F13A1: variants seen among roughly 807,000 people sequenced by gnomAD.
F13A1 encodes coagulation factor XIII A chain, also known as FSF, A subunit.
Under a neutral mutation model 80.1 loss-of-function variants are expected in F13A1, and 47 were observed. That is an observed-to-expected ratio of 0.59 (90% CI 0.46 to 0.75). F13A1 has a LOEUF of 0.75. F13A1 is among the 30% of genes least tolerant of loss of function. The pLI, the probability that F13A1 is intolerant of heterozygous loss-of-function variation, is 0.00. For missense variants in F13A1, 817 were observed against 930.4 expected, an observed-to-expected ratio of 0.88 and a Z score of 1.59; for synonymous variants, 349 against 344.9, an observed-to-expected ratio of 1.01 and a Z score of -0.13.
At chr6:6,212,367 G>A (rs1275930456) in intron 8 of F13A1, among the ~76,000 whole-genome samples, 4 of 152,118 alleles carry the variant, frequency 2.6e-5, no homozygotes, top group Non-Finnish European at 5.9e-5. Context: ...GTGGGTCCCT[G>A]ACCCCTGACC....
chr6:6,201,341 T>G (rs1761390886), intron 8 of F13A1, among the ~76,000 whole-genome samples: 1 of 152,176 alleles, frequency 6.6e-6, no homozygotes, highest in Non-Finnish European at 1.5e-5. Context: ...ACGTTATCTG[T>G]GTATTTAGGG....
chr6:6,314,766 G>A (rs954445484), intron 2 of F13A1, among the ~76,000 whole-genome samples: 2 of 152,226 alleles, frequency 1.3e-5, no homozygotes, highest in African/African-American at 4.8e-5. Flanking sequence ...ACAGCCTGGA[G>A]CAGCTCCTGA....
At chr6:6,164,185 G>GA (rs887807065) in intron 13 of F13A1, among the ~76,000 whole-genome samples, 28 of 150,656 alleles carry the variant, frequency 1.9e-4, no homozygotes, top group African/African-American at 4.1e-4. Flanking sequence ...ACAAGCATAT[G>GA]AAAAAAAAAG....
chr6:6,305,703 C>T (rs905460558), intron 2 of F13A1, 164 bp from the exon 3 acceptor site: 2 of 663,006 alleles, frequency 3.0e-6, no homozygotes, highest in Admixed American at 5.0e-5. Flanking sequence ...CGAGAGTCAG[C>T]CTCTTGTGAC....
chr6:6,147,809 T>G (rs1050833660), intron 14 of F13A1, among the ~76,000 whole-genome samples: 1 of 152,252 alleles, frequency 6.6e-6, no homozygotes, highest in Non-Finnish European at 1.5e-5. Context: ...TACGTATGCA[T>G]GCTATTTTAC....
At chr6:6,306,458 G>A (rs1391784762) in intron 2 of F13A1, among the ~76,000 whole-genome samples, 3 of 152,248 alleles carry the variant, frequency 2.0e-5, no homozygotes, top group Non-Finnish European at 2.9e-5. Flanking sequence ...GACGGCATGA[G>A]ATGACACGTA....
At chr6:6,253,161 AAAGAGAG>A (rs1344701748) in intron 4 of F13A1, among the ~76,000 whole-genome samples, 11 of 106,830 alleles carry the variant, frequency 1.0e-4, no homozygotes, top group Non-Finnish European at 1.8e-4. Context: ...AAAAAAAAAA[AAAGAGAG>A]AGAGAGAGAG....
intron 10 of F13A1, among the ~76,000 whole-genome samples, chr6:6,190,141 G>T (rs1761159515): frequency 6.6e-6 from 1 of 151,666 alleles, no homozygotes; most frequent in Admixed American, 6.6e-5. Flanking sequence ...TTTTTTCAAA[G>T]TTTTCAACTT....
chr6:6,275,364 TTTTTG>T (rs1757974206), intron 3 of F13A1, among the ~76,000 whole-genome samples: 1 of 152,054 alleles, frequency 6.6e-6, no homozygotes, highest in Non-Finnish European at 1.5e-5. Context: ...TTTTTTATTT[TTTTTG>T]TTTGTTTTGT....
chr6:6,310,291 A>G (rs1248331810), intron 2 of F13A1, among the ~76,000 whole-genome samples: 4 of 152,222 alleles, frequency 2.6e-5, no homozygotes, highest in African/African-American at 4.8e-5. Flanking sequence ...CAGAGGGGCA[A>G]TGGTTTCCAA....
chr6:6,192,820 G>A (rs1334823375), intron 10 of F13A1, among the ~76,000 whole-genome samples: 2 of 152,164 alleles, frequency 1.3e-5, no homozygotes, highest in Admixed American at 6.5e-5. Flanking sequence ...ATGTGTGTGT[G>A]TATGTGAGTG....
chr6:6,197,180 A>ATCAGCAAT lies in F13A1; in HGVS notation c.1216+35_1216+42dup, dbSNP rs758324688. 71 of 1,580,500 alleles carry ATCAGCAAT rather than the reference A, an allele frequency of 4.5e-5. No homozygotes were observed. In the South Asian group the frequency reaches 7.8e-4, roughly 17 times the overall value. ...ATGCAAGCATAAAAGCAAAACAAAG[A>ATCAGCAAT]TCAGCAATGAAGCAAGTTCCCAGAG... On this transcript the variant is annotated intron_variant, in intron 9 of 14. Transcript: ENST00000264870.
chr6:6,181,555 T>C (rs1225119981), intron 11 of F13A1, among the ~76,000 whole-genome samples: 1 of 152,232 alleles, frequency 6.6e-6, no homozygotes, highest in African/African-American at 2.4e-5. Context: ...TAGTCTTCCA[T>C]GATAATGTAA....
chr6:6,147,709 C>G (rs572257721), intron 14 of F13A1, among the ~76,000 whole-genome samples: 2 of 152,318 alleles, frequency 1.3e-5, no homozygotes, highest in East Asian at 3.9e-4. Context: ...TTAGCCCCCT[C>G]TTATCATTTT....
chr6:6,274,424 C>T (rs922711126), intron 3 of F13A1, among the ~76,000 whole-genome samples: 6 of 152,154 alleles, frequency 3.9e-5, no homozygotes, highest in Non-Finnish European at 8.8e-5. Flanking sequence ...AAGGCTGTCA[C>T]CTGATGCTGA....
intron 12 of F13A1, among the ~76,000 whole-genome samples, chr6:6,172,452 T>TTG (rs762353545): frequency 0.056 from 1,093 of 19,588 alleles, 13 homozygotes; most frequent in Middle Eastern, 0.15. Context: ...CACTATAGTG[T>TTG]TTTTTTTTTT....
At chr6:6,268,747 G>T (rs1263309333) in intron 3 of F13A1, among the ~76,000 whole-genome samples, 1 of 148,594 alleles carries the variant, frequency 6.7e-6, no homozygotes, top group South Asian at 2.1e-4. Flanking sequence ...GGAGTGCAGT[G>T]GCATAGTCTC....
intron 3 of F13A1, among the ~76,000 whole-genome samples, chr6:6,292,739 T>C (rs573177777): frequency 2.0e-5 from 3 of 152,350 alleles, no homozygotes; most frequent in South Asian, 4.1e-4. Flanking sequence ...CTAGAAATGC[T>C]TGAGCGGGTG....
intron 7 of F13A1, among the ~76,000 whole-genome samples, chr6:6,223,946 T>C (rs545403583): frequency 1.4e-4 from 21 of 152,204 alleles, no homozygotes; most frequent in African/African-American, 4.3e-4. Flanking sequence ...GAAGACATAC[T>C]GAAATAAATG....
Sources: gnomAD v4.1 joint callset for allele counts (sites outside exome capture counted in the v4.1 genomes callset) on GRCh38, gnomAD v4.1.1 for gene constraint, MANE v1.5 for transcripts, NCBI Gene and HGNC (gene_info 2026-07-23, HGNC 2026-07-21) for gene names.